NRG1: variants seen among roughly 807,000 people sequenced by gnomAD.
NRG1 encodes neuregulin 1.
NRG1 carries 18 observed loss-of-function variants against 63.8 expected under a neutral mutation model. That is an observed-to-expected ratio of 0.28 (90% CI 0.19 to 0.42). NRG1 has a LOEUF of 0.42. NRG1 is among the 10% of genes least tolerant of loss of function. The probability of loss-of-function intolerance (pLI) is 1.00; values close to 1 mark genes in which losing one functional copy is unlikely to be tolerated. For missense variants in NRG1, 762 were observed against 814.7 expected, an observed-to-expected ratio of 0.94 and a Z score of 0.79; for synonymous variants, 302 against 301.3, an observed-to-expected ratio of 1.00 and a Z score of -0.02.
chr8:32,640,645 C>T (rs1563829933), intron 5 of NRG1, among the ~76,000 whole-genome samples: 1 of 151,798 alleles, frequency 6.6e-6, no homozygotes, highest in Non-Finnish European at 1.5e-5. Context: ...CACACACACA[C>T]ACACACACAC....
At chr8:31,819,625 A>G (rs770499308) in intron 1 of NRG1, among the ~76,000 whole-genome samples, 17 of 152,354 alleles carry the variant, frequency 1.1e-4, no homozygotes, top group Non-Finnish European at 1.9e-4. Flanking sequence ...AACATTAATG[A>G]CAGTGAACTA....
chr8:32,373,586 G>T (rs530872412), intron 1 of NRG1, among the ~76,000 whole-genome samples: 3 of 152,222 alleles, frequency 2.0e-5, no homozygotes, highest in Admixed American at 6.5e-5. Flanking sequence ...AGACCAGCCT[G>T]GCCAACATGG....
intron 1 of NRG1, among the ~76,000 whole-genome samples, chr8:31,807,316 T>C (rs1313345575): frequency 1.3e-5 from 2 of 152,194 alleles, no homozygotes; most frequent in African/African-American, 2.4e-5. Flanking sequence ...GACTTTTGTA[T>C]CAACAGTAGT....
chr8:31,862,995 T>C (rs1828610709), intron 1 of NRG1, among the ~76,000 whole-genome samples: 2 of 152,184 alleles, frequency 1.3e-5, no homozygotes, highest in South Asian at 4.1e-4. Flanking sequence ...GCAACCCAAG[T>C]AGCTGCCATT....
At chr8:32,114,347 C>G (rs1832428425) in intron 1 of NRG1, among the ~76,000 whole-genome samples, 1 of 152,216 alleles carries the variant, frequency 6.6e-6, no homozygotes, top group African/African-American at 2.4e-5. Flanking sequence ...GATAAAACAG[C>G]TTCCCAATCA....
intron 1 of NRG1, among the ~76,000 whole-genome samples, chr8:31,939,080 C>T (rs140209887): frequency 1.9e-3 from 296 of 152,212 alleles, no homozygotes; most frequent in African/African-American, 6.6e-3. Flanking sequence ...GGAAACTCAT[C>T]GCAAAAAGAT....
chr8:32,428,984 A>T (rs1394125217), intron 1 of NRG1, among the ~76,000 whole-genome samples: 2 of 152,192 alleles, frequency 1.3e-5, no homozygotes, highest in Admixed American at 1.3e-4. Context: ...AGTGTAACAT[A>T]CATAAGCTTG....
chr8:32,564,366 T>C (rs1439580357), intron 1 of NRG1, among the ~76,000 whole-genome samples: 2 of 152,158 alleles, frequency 1.3e-5, no homozygotes, highest in East Asian at 3.9e-4. Context: ...TCCCACTTTT[T>C]TTTCTCTTTC....
At chr8:31,664,559 A>C (rs933073820) in intron 1 of NRG1, among the ~76,000 whole-genome samples, 3 of 152,202 alleles carry the variant, frequency 2.0e-5, no homozygotes, top group Admixed American at 6.5e-5. Context: ...ATCTCTTATA[A>C]GAGTAGTTTC....
intron 5 of NRG1, among the ~76,000 whole-genome samples, chr8:32,698,297 A>T (rs1813907480): frequency 6.6e-6 from 1 of 152,172 alleles, no homozygotes; most frequent in African/African-American, 2.4e-5. Flanking sequence ...TTTCTGTCGC[A>T]TTCAAGGAAC....
At chr8:32,548,139 C>A, upstream of NRG1, 2 of 862,040 alleles carry the variant, frequency 2.3e-6, no homozygotes, top group Non-Finnish European at 2.8e-6. Flanking sequence ...CCGGGAGCGC[C>A]GAGCCCAGGC....
intron 1 of NRG1, among the ~76,000 whole-genome samples, chr8:32,058,055 C>T (rs901456518): frequency 2.4e-4 from 8 of 33,054 alleles, no homozygotes; most frequent in Admixed American, 2.1e-3. Flanking sequence ...CCAATTATAC[C>T]GACTTGATCT....
chr8:31,984,620 G>A (rs546478570), intron 1 of NRG1, among the ~76,000 whole-genome samples: 32 of 152,078 alleles, frequency 2.1e-4, no homozygotes, highest in Non-Finnish European at 4.0e-4. Flanking sequence ...ATTAAGAGCT[G>A]CATGATGCCT....
In NRG1 at chr8:32,343,912, TACCGAG is replaced by T. The variant is rs1477053805; in HGVS notation, c.38-251915_38-251910del. ...GATTCTAAAAATTCAGTCCTAGTCCTACCGAGTCCATTAGAGAAGGTCTGCAGTATA... is the reference window on the plus strand; with the variant it reads ...GATTCTAAAAATTCAGTCCTAGTCCTTCCATTAGAGAAGGTCTGCAGTATA... On this transcript the variant is annotated intron_variant, in intron 1 of 10. Coordinates refer to the NRG1 transcript ENST00000519301. Among the ~76,000 whole-genome samples the T allele has an allele frequency of 2.0e-5, 3 of 152,226 alleles. No individual in the cohort carries two copies. The East Asian group carries it at 5.8e-4, about 29-fold the overall frequency.
chr8:32,536,483 C>T (rs1386715970), intron 1 of NRG1, among the ~76,000 whole-genome samples: 1 of 152,130 alleles, frequency 6.6e-6, no homozygotes, highest in Non-Finnish European at 1.5e-5. Context: ...GACAATCTCC[C>T]TCTTGATTAG....
intron 1 of NRG1, among the ~76,000 whole-genome samples, chr8:31,888,026 A>G (rs1041124696): frequency 1.3e-5 from 2 of 151,670 alleles, no homozygotes; most frequent in Admixed American, 1.3e-4. Context: ...CCAATATGTA[A>G]TTGATATGTT....
intron 1 of NRG1, among the ~76,000 whole-genome samples, chr8:32,159,569 T>G (rs1410361812): frequency 6.6e-6 from 1 of 151,540 alleles, no homozygotes; most frequent in African/African-American, 2.4e-5. Flanking sequence ...GAAAAAGGCT[T>G]TATGTGGCTG....
intron 1 of NRG1, among the ~76,000 whole-genome samples, chr8:32,182,987 A>G (rs1403824824): frequency 1.3e-5 from 2 of 152,200 alleles, no homozygotes; most frequent in Non-Finnish European, 2.9e-5. Context: ...TGTGAGGATA[A>G]ATGAGGTCAT....
chr8:32,771,608 G>A (rs919327756), downstream of NRG1, among the ~76,000 whole-genome samples: 1 of 148,130 alleles, frequency 6.8e-6, no homozygotes, highest in Non-Finnish European at 1.5e-5. Flanking sequence ...AAACATCATT[G>A]CAAACATCTA....
Sources: gnomAD v4.1 joint callset for allele counts (sites outside exome capture counted in the v4.1 genomes callset) on GRCh38, gnomAD v4.1.1 for gene constraint, MANE v1.5 for transcripts, NCBI Gene and HGNC (gene_info 2026-07-23, HGNC 2026-07-21) for gene names.